The following WDR7 variants were observed in gnomAD, a reference collection of about 807,000 sequenced individuals.
The protein encoded by WDR7 is WD repeat-containing protein 7.
A neutral mutation model predicts 169.4 loss-of-function variants in WDR7; 46 were observed. The ratio of observed to expected loss-of-function variants is 0.27; its 90% CI spans 0.21 to 0.35. The LOEUF is 0.35. Among genes scored for constraint, WDR7 ranks in the 10% least tolerant of loss-of-function variants. WDR7 has a pLI of 1.00. For synonymous variants in WDR7, 612 were observed against 666.8 expected, an observed-to-expected ratio of 0.92 and a Z score of 1.27; for missense variants, 1,534 against 1,859.3, an observed-to-expected ratio of 0.83 and a Z score of 3.22.
intron 21 of WDR7, among the ~76,000 whole-genome samples, chr18:56,908,076 T>C (rs1199709454): frequency 1.3e-5 from 2 of 152,202 alleles, no homozygotes; most frequent in African/African-American, 4.8e-5. Flanking sequence ...CTTGTATAGT[T>C]AGATTCTCTC....
At chr18:56,797,112 A>G (rs1466908487) in intron 19 of WDR7, among the ~76,000 whole-genome samples, 2 of 152,284 alleles carry the variant, frequency 1.3e-5, no homozygotes, top group East Asian at 3.9e-4. Flanking sequence ...GATCACAGAG[A>G]TTAGACAGAC....
At chr18:56,924,346 T>C (rs1444235016) in intron 22 of WDR7, among the ~76,000 whole-genome samples, 1 of 152,168 alleles carries the variant, frequency 6.6e-6, no homozygotes, top group Non-Finnish European at 1.5e-5. Flanking sequence ...AGTTTTCCAA[T>C]TGTATTTGTT....
At chr18:56,785,406 C>T (rs2044383241) in intron 19 of WDR7, among the ~76,000 whole-genome samples, 1 of 152,128 alleles carries the variant, frequency 6.6e-6, no homozygotes, top group African/African-American at 2.4e-5. Flanking sequence ...AAATATACCA[C>T]CCATCAGATA....
intron 26 of WDR7, among the ~76,000 whole-genome samples, chr18:57,019,315 G>A (rs1265625009): frequency 6.6e-6 from 1 of 152,120 alleles, no homozygotes; most frequent in African/African-American, 2.4e-5. Flanking sequence ...CCTTTACAAA[G>A]CTCTTTGAGT....
chr18:56,780,757 G>A lies in WDR7; in HGVS notation c.3067-776G>A, dbSNP rs775866851. ...GGAAGTTGCAGTGAGCCGAGATCAC[G>A]CCATGGCACTCCAGCCTGGTCAACA... On this transcript the variant is annotated intron_variant, in intron 18 of 27. Coordinates refer to ENST00000254442, the MANE Select transcript of WDR7 (RefSeq NM_015285.3). Among the ~76,000 whole-genome samples the A allele has an allele frequency of 3.9e-5, 6 of 152,176 alleles. 1 individual carries two copies. Among genetic ancestry groups the A allele is most frequent in the Admixed American group, 6.6e-5 (1 of 15,264 alleles).
At chr18:56,661,011 C>G (rs1207214224) in intron 1 of WDR7, among the ~76,000 whole-genome samples, 1 of 152,224 alleles carries the variant, frequency 6.6e-6, no homozygotes, top group Admixed American at 6.5e-5. Context: ...GTGTGACTTT[C>G]ATACCTTCAC....
At chr18:56,805,652 AT>A (rs944185508) in intron 19 of WDR7, among the ~76,000 whole-genome samples, 428 of 144,090 alleles carry the variant, frequency 3.0e-3, no homozygotes, top group Middle Eastern at 0.018. Context: ...AAATCATAGG[AT>A]TTTTTTTTTT....
chr18:56,709,931 A>T (rs1309754841), intron 12 of WDR7, among the ~76,000 whole-genome samples: 2 of 151,646 alleles, frequency 1.3e-5, no homozygotes, highest in African/African-American at 2.4e-5. Flanking sequence ...GAAAGTAGAG[A>T]TAACTAAGAA....
rs1282195500 is a variant in WDR7, at chr18:56,787,588, T to G, written c.3190+5932T>G. Among the ~76,000 whole-genome samples the G allele has an allele frequency of 2.6e-5, 4 of 152,272 alleles. No individual in the cohort carries two copies. The South Asian group carries it at 8.3e-4, about 32-fold the overall frequency. ...TTTTTAGCTTCCTTTTGTGTTAAGG[T>G]TACCAGGGTTAGGCTCGTCTTTTTA... On this transcript the variant is annotated intron_variant, in intron 19 of 27. Coordinates refer to ENST00000254442, the MANE Select transcript of WDR7 (RefSeq NM_015285.3).
intron 1 of WDR7, among the ~76,000 whole-genome samples, chr18:56,665,067 TG>T (rs1035451056): frequency 8.7e-4 from 132 of 151,556 alleles, no homozygotes; most frequent in Non-Finnish European, 1.6e-3. Flanking sequence ...GTGAGGCGGG[TG>T]GATCACCTGA....
intron 19 of WDR7, among the ~76,000 whole-genome samples, chr18:56,803,712 T>C (rs1256127239): frequency 6.6e-6 from 1 of 152,226 alleles, no homozygotes; most frequent in African/African-American, 2.4e-5. Context: ...ATAACTTTAA[T>C]GATACTATAA....
intron 21 of WDR7, among the ~76,000 whole-genome samples, chr18:56,896,593 A>G (rs1225906102): frequency 6.6e-6 from 1 of 151,862 alleles, no homozygotes; most frequent in South Asian, 2.1e-4. Context: ...GAAATAAAAG[A>G]TTGCATTTTT....
chr18:56,922,637 T>A (rs915226831), intron 21 of WDR7, among the ~76,000 whole-genome samples: 3 of 152,140 alleles, frequency 2.0e-5, no homozygotes, highest in Non-Finnish European at 4.4e-5. Context: ...CAGAATTTGA[T>A]GGGTATGACT....
intron 1 of WDR7, among the ~76,000 whole-genome samples, chr18:56,670,378 G>A (rs907308586): frequency 2.0e-5 from 3 of 152,114 alleles, no homozygotes; most frequent in Non-Finnish European, 4.4e-5. Context: ...TTCTCTTTAA[G>A]CCAGGCAGTA....
chr18:56,928,607 C>T (rs915280238), intron 22 of WDR7, among the ~76,000 whole-genome samples: 2 of 152,194 alleles, frequency 1.3e-5, no homozygotes, highest in African/African-American at 4.8e-5. Context: ...GCACCTATCA[C>T]ATAGCTAGCC....
chr18:56,735,699 A>G (rs975483830), intron 14 of WDR7, among the ~76,000 whole-genome samples: 5 of 152,174 alleles, frequency 3.3e-5, no homozygotes, highest in African/African-American at 9.6e-5. Flanking sequence ...TCTTTCTATA[A>G]AGGGCTAGAT....
intron 22 of WDR7, 61 bp downstream of exon 22, chr18:56,924,169 G>C (rs2145644628): frequency 6.3e-7 from 1 of 1,584,734 alleles, no homozygotes; most frequent in South Asian, 1.2e-5. Flanking sequence ...GGTTTTTTTG[G>C]TGGGTTTATT....
At chr18:56,739,394 A>G (rs1372155300) in intron 14 of WDR7, among the ~76,000 whole-genome samples, 3 of 152,122 alleles carry the variant, frequency 2.0e-5, no homozygotes, top group East Asian at 3.8e-4. Context: ...TTAGAACACT[A>G]CAACTCCATT....
intron 26 of WDR7, among the ~76,000 whole-genome samples, chr18:57,004,527 T>G (rs1352729043): frequency 6.6e-6 from 1 of 152,030 alleles, no homozygotes; most frequent in Non-Finnish European, 1.5e-5. Context: ...GTGTGCAGAG[T>G]TCCAAACAAC....
Sources: gnomAD v4.1 joint callset for allele counts (sites outside exome capture counted in the v4.1 genomes callset) on GRCh38, gnomAD v4.1.1 for gene constraint, MANE v1.5 for transcripts, NCBI Gene and HGNC (gene_info 2026-07-23, HGNC 2026-07-21) for gene names.